Variants in CENPP observed in about 807,000 individuals in gnomAD.
The protein encoded by CENPP is centromere protein P.
In CENPP, 24 loss-of-function variants were observed where a neutral mutation model predicts 35.6. That is an observed-to-expected ratio of 0.67 (90% CI 0.49 to 0.95). The LOEUF is 0.95. CENPP is among the 40% of genes least tolerant of loss of function. The pLI is 0.00. For missense variants in CENPP, 332 were observed against 345.3 expected, an observed-to-expected ratio of 0.96 and a Z score of 0.31; for synonymous variants, 120 against 125.5, an observed-to-expected ratio of 0.96 and a Z score of 0.29.
intron 4 of CENPP, among the ~76,000 whole-genome samples, chr9:92,366,976 T>C (rs1178999352): frequency 6.6e-6 from 1 of 152,146 alleles, no homozygotes; most frequent in Non-Finnish European, 1.5e-5. Flanking sequence ...AAAACGCAGG[T>C]GTACAACACA....
chr9:92,490,253 A>G (rs531235760), intron 5 of CENPP, among the ~76,000 whole-genome samples: 3 of 152,356 alleles, frequency 2.0e-5, no homozygotes, highest in African/African-American at 7.2e-5. Context: ...GTCCATGGCT[A>G]GTACTGATTC....
chr9:92,540,425 G>A (rs1388572843), intron 5 of CENPP, among the ~76,000 whole-genome samples: 6 of 135,104 alleles, frequency 4.4e-5, no homozygotes, highest in African/African-American at 9.2e-5. Context: ...ACGACAGAGC[G>A]AGACTGTCTC....
At chr9:92,575,252 G>A (rs1360973646) in intron 5 of CENPP, among the ~76,000 whole-genome samples, 2 of 152,112 alleles carry the variant, frequency 1.3e-5, no homozygotes, top group Non-Finnish European at 2.9e-5. Context: ...CAGACATTAT[G>A]AACAGTGAAA....
At chr9:92,569,431 T>C (rs1850078042) in intron 5 of CENPP, among the ~76,000 whole-genome samples, 3 of 152,206 alleles carry the variant, frequency 2.0e-5, no homozygotes, top group South Asian at 2.1e-4. Flanking sequence ...TTCTGTTCCA[T>C]TGGTCTATAT....
chr9:92,540,424 C>T (rs1318706964), intron 5 of CENPP, among the ~76,000 whole-genome samples: 6 of 137,290 alleles, frequency 4.4e-5, no homozygotes, highest in African/African-American at 1.2e-4. Flanking sequence ...GACGACAGAG[C>T]GAGACTGTCT....
At chr9:92,434,116 C>T (rs996622749) in intron 5 of CENPP, among the ~76,000 whole-genome samples, 9 of 151,828 alleles carry the variant, frequency 5.9e-5, no homozygotes, top group African/African-American at 1.9e-4. Flanking sequence ...GGAGACTGGG[C>T]GCGGTGGCTC....
chr9:92,538,402 C>G lies in CENPP; in HGVS notation c.565-72912C>G, dbSNP rs1016101516. On this transcript the variant is annotated intron_variant, in intron 5 of 7. Transcript: ENST00000375587. ...GAAGGAATAAACAACAAAATATTAA[C>G]AGTAATTACAGCGAGACTTTTACTA... 2.0e-5 allele frequency among the ~76,000 whole-genome samples: 3 copies of G among 152,156 alleles called. 1 individual carries two copies. Among genetic ancestry groups the G allele is most frequent in the Admixed American group, 2.0e-4 (3 of 15,276 alleles).
Position 92,595,852 on chromosome 9 carries a change from G to T in CENPP, c.565-15462G>T, listed in dbSNP as rs545748744. ...GCTGGGATTGAAGGCATGAGCCACC[G>T]CACCCAGCCTATTTCCTTCCATTTT... On this transcript the variant is annotated intron_variant, in intron 5 of 7. Transcript: ENST00000375587. Among the ~76,000 whole-genome samples the T allele has an allele frequency of 3.3e-5, 5 of 152,118 alleles. No homozygotes were observed. In the East Asian group the frequency reaches 9.6e-4, roughly 29 times the overall value.
intron 5 of CENPP, among the ~76,000 whole-genome samples, chr9:92,449,437 CAAAAAAAAAAAAAAAAAAAAAAAAAAAA>C (rs56218626): frequency 2.0e-4 from 11 of 54,958 alleles, no homozygotes; most frequent in Admixed American, 1.1e-3. Flanking sequence ...ACTCTATCTC[CAAAAAAAAAAAAAAAAAAAAAAAAAAAA>C]AAAAAAAAAA....
chr9:92,328,209 T>A (rs1840629851), intron 1 of CENPP, among the ~76,000 whole-genome samples: 1 of 152,182 alleles, frequency 6.6e-6, no homozygotes, highest in South Asian at 2.1e-4. Flanking sequence ...GAGTCCAGAT[T>A]GTGGGAGACA....
At chr9:92,513,845 C>T (rs1847513697) in intron 5 of CENPP, among the ~76,000 whole-genome samples, 1 of 152,154 alleles carries the variant, frequency 6.6e-6, no homozygotes, top group Non-Finnish European at 1.5e-5. Flanking sequence ...GTGGTGGTTA[C>T]ATGACTATGT....
intron 5 of CENPP, among the ~76,000 whole-genome samples, chr9:92,598,366 A>G (rs558027825): frequency 6.6e-5 from 10 of 152,224 alleles, no homozygotes; most frequent in African/African-American, 1.7e-4. Flanking sequence ...TGAGCTTTCT[A>G]TAATCACCCT....
chr9:92,403,210 A>G, intron 5 of CENPP: 1 of 1,483,764 alleles, frequency 6.7e-7, no homozygotes, highest in Non-Finnish European at 9.2e-7. Context: ...TTTAGAAGCT[A>G]AATTTAGAAT....
Position 92,615,897 on chromosome 9 carries a change from T to C in CENPP, c.*2748T>C. Reference sequence around the variant, plus strand: ...TTGAACCGAGTCGACATCACGGCGTTGTCTTTGGCACGTACAGTCTTTGAA... The same window carrying C: ...TTGAACCGAGTCGACATCACGGCGTCGTCTTTGGCACGTACAGTCTTTGAA... On this transcript the variant is annotated 3_prime_UTR_variant, in exon 8 of 8. Coordinates refer to ENST00000375587, the MANE Select transcript of CENPP (RefSeq NM_001012267.3). 2 of 1,614,222 alleles carry C rather than the reference T, an allele frequency of 1.2e-6. No homozygotes were observed. The highest frequency in any genetic ancestry group is 1.7e-6 in the Non-Finnish European group (2 of 1,180,038).
At chr9:92,421,366 G>A (rs1843788072) in intron 5 of CENPP, among the ~76,000 whole-genome samples, 1 of 152,164 alleles carries the variant, frequency 6.6e-6, no homozygotes, top group Admixed American at 6.5e-5. Flanking sequence ...CTGACCTGAG[G>A]AATTTGCACT....
chr9:92,522,733 T>G (rs781597469), intron 5 of CENPP: 3 of 1,614,192 alleles, frequency 1.9e-6, no homozygotes, highest in Non-Finnish European at 2.5e-6. Flanking sequence ...TCTGTGCTTG[T>G]GTGAGGTTGA....
At chr9:92,366,892 A>G (rs980891067) in intron 4 of CENPP, among the ~76,000 whole-genome samples, 11 of 152,266 alleles carry the variant, frequency 7.2e-5, no homozygotes, top group Non-Finnish European at 1.5e-4. Context: ...AAACTGCTCT[A>G]AAATCTGAAA....
rs1042902495 is a variant in CENPP at position 92,593,802 on chromosome 9, G to A, written c.565-17512G>A. 6.6e-6 allele frequency among the ~76,000 whole-genome samples: 1 copy of A among 152,104 alleles called. No homozygotes were observed. The highest frequency in any genetic ancestry group is 6.6e-5 in the Admixed American group (1 of 15,256). On this transcript the variant is annotated intron_variant, in intron 5 of 7. Coordinates refer to ENST00000375587, the MANE Select transcript of CENPP (RefSeq NM_001012267.3). The surrounding 1 kb of genome is among the most constrained non-coding windows in gnomAD (Gnocchi z 4.1). ...TAAATTCTTTCGGTAAAAAATGGGAGCCACTTATTAAAATAACCAAGCATA... is the reference window on the plus strand; with the variant it reads ...TAAATTCTTTCGGTAAAAAATGGGAACCACTTATTAAAATAACCAAGCATA...
At chr9:92,521,585 A>G (rs1427100351) in intron 5 of CENPP, among the ~76,000 whole-genome samples, 5 of 152,172 alleles carry the variant, frequency 3.3e-5, no homozygotes, top group Admixed American at 3.3e-4. Flanking sequence ...ATTCTTTTGA[A>G]AGTTTTATTT....
Sources: gnomAD v4.1 joint callset for allele counts (sites outside exome capture counted in the v4.1 genomes callset) on GRCh38, gnomAD v4.1.1 for gene constraint, Gnocchi (gnomAD v3.1) non-coding constraint, MANE v1.5 for transcripts, NCBI Gene and HGNC (gene_info 2026-07-23, HGNC 2026-07-21) for gene names.